The following DPYS variants were observed in gnomAD, a reference collection of about 807,000 sequenced individuals.
DPYS encodes the protein dihydropyrimidinase.
In DPYS, 39 loss-of-function variants were observed where a neutral mutation model predicts 50.3. The observed-to-expected ratio is 0.78, with a 90% CI of 0.60 to 1.01. The LOEUF is 1.01. Ranked by LOEUF, DPYS falls within the 50% of genes least tolerant of loss-of-function variation. The probability of loss-of-function intolerance (pLI) is 0.00; values close to 1 mark genes in which losing one functional copy is unlikely to be tolerated. For missense variants in DPYS, 659 were observed against 680.9 expected, an observed-to-expected ratio of 0.97 and a Z score of 0.36; for synonymous variants, 245 against 250.7, an observed-to-expected ratio of 0.98 and a Z score of 0.22.
At chr8:104,463,217 C>T (rs1814233057) in intron 1 of DPYS, among the ~76,000 whole-genome samples, 1 of 152,042 alleles carries the variant, frequency 6.6e-6, no homozygotes, top group Non-Finnish European at 1.5e-5. Flanking sequence ...TACTTAAGGT[C>T]CATTTCTGTA....
At chr8:104,434,030 G>T (rs1410536328) in intron 4 of DPYS, among the ~76,000 whole-genome samples, 1 of 152,164 alleles carries the variant, frequency 6.6e-6, no homozygotes. Flanking sequence ...ATGTGCCCAA[G>T]GTGGTTGGGG....
intron 1 of DPYS, among the ~76,000 whole-genome samples, chr8:104,462,289 T>C (rs1814199195): frequency 1.3e-5 from 2 of 152,182 alleles, no homozygotes; most frequent in South Asian, 4.1e-4. Context: ...CCGGGAGCTC[T>C]GGCAAGCAAC....
At chr8:104,426,480 G>T (rs758859209) in intron 6 of DPYS, among the ~76,000 whole-genome samples, 1 of 152,206 alleles carries the variant, frequency 6.6e-6, no homozygotes, top group Non-Finnish European at 1.5e-5. Context: ...CCTCCAACTA[G>T]AATGGTAGCA....
intron 7 of DPYS, among the ~76,000 whole-genome samples, chr8:104,417,329 G>A (rs745784420): frequency 3.9e-5 from 6 of 152,192 alleles, no homozygotes; most frequent in Non-Finnish European, 7.3e-5. Context: ...CTCCGAGGAT[G>A]GTTTTAAATT....
At position 104,466,611 on chromosome 8, in the gene DPYS, G is replaced by A. The variant is rs1430256802; in HGVS notation, c.264+46C>T. 5 of 1,481,404 alleles carry A rather than the reference G, an allele frequency of 3.4e-6. No homozygotes were observed. In the African/African-American group the frequency reaches 4.4e-5, roughly 13 times the overall value. 91.8% of individuals were successfully genotyped at this position (1,481,404 alleles called of 1,614,324 possible). A position where few individuals can be genotyped will look rare whatever the true frequency, so the allele number is the denominator to read the frequency against. On this transcript the variant is annotated intron_variant, in intron 1 of 9. Coordinates refer to ENST00000351513, the MANE Select transcript of DPYS (RefSeq NM_001385.3). ...CCCGGGACGACTGGGGAGGCTGCCC[G>A]AGCCTCCGTGGGTACCGCGGGGCGG...
chr8:104,449,201 A>G (rs1306451234), intron 2 of DPYS, among the ~76,000 whole-genome samples: 1 of 152,220 alleles, frequency 6.6e-6, no homozygotes, highest in Non-Finnish European at 1.5e-5. Context: ...CTAATTTTTT[A>G]CAATGAGTAC....
intron 4 of DPYS, among the ~76,000 whole-genome samples, chr8:104,438,223 AG>A: frequency 6.6e-6 from 1 of 152,214 alleles, no homozygotes; most frequent in Non-Finnish European, 1.5e-5. Context: ...TGAAAGGGAA[AG>A]TCAGCAGATT....
Position 104,392,770 on chromosome 8 carries a change from T to A in DPYS, c.1443+14A>T. 1 of 1,613,926 alleles carries A rather than the reference T, an allele frequency of 6.2e-7. No individual in the cohort carries two copies. Among genetic ancestry groups the A allele is most frequent in the Non-Finnish European group, 8.5e-7 (1 of 1,179,864 alleles). ...AGTCCGACTTGTGGCAGTATCCCAC[T>A]GTGGCACACTCACCCGGTCTCGCTG... On this transcript the variant is annotated intron_variant, in intron 8 of 9. Transcript: ENST00000351513.
intron 7 of DPYS, among the ~76,000 whole-genome samples, chr8:104,407,725 A>C (rs1388527825): frequency 6.6e-6 from 1 of 152,224 alleles, no homozygotes; most frequent in Non-Finnish European, 1.5e-5. Context: ...ACTACAACTT[A>C]GTCTTTTATC....
At chr8:104,395,120 C>G (rs1811534422) in intron 7 of DPYS, among the ~76,000 whole-genome samples, 1 of 151,834 alleles carries the variant, frequency 6.6e-6, no homozygotes, top group Non-Finnish European at 1.5e-5. Context: ...CTCAGCCTCC[C>G]AAGTAGCTGG....
Position 104,381,187 on chromosome 8 carries a change from T to A in DPYS, c.*11A>T. The stretch of plus-strand genomic sequence containing the variant: ...TTTCTTGCCTACAGTCCCTTACCGA[T>A]GGCACACACTTCAGGGGTGGGCCTG... On this transcript the variant is annotated 3_prime_UTR_variant, in exon 9 of 10. Coordinates refer to ENST00000351513, the MANE Select transcript of DPYS (RefSeq NM_001385.3). The A allele has an allele frequency of 6.2e-7, 1 of 1,610,918 alleles. No individual in the cohort carries two copies. Among genetic ancestry groups the A allele is most frequent in the Non-Finnish European group, 8.5e-7 (1 of 1,177,242 alleles).
chr8:104,431,668 A>G (rs1414622325), intron 4 of DPYS, among the ~76,000 whole-genome samples: 1 of 152,084 alleles, frequency 6.6e-6, no homozygotes, highest in Non-Finnish European at 1.5e-5. Flanking sequence ...AAATAACAAT[A>G]AAAATAGCTA....
chr8:104,412,703 G>T (rs1024217247), intron 7 of DPYS, among the ~76,000 whole-genome samples: 6 of 152,120 alleles, frequency 3.9e-5, no homozygotes, highest in African/African-American at 9.7e-5. Context: ...CCCACTGTCT[G>T]ATTGGTGGGC....
rs996100553 is a variant in DPYS at position 104,385,867 on chromosome 8, C to T, written c.1444-4553G>A. Among the ~76,000 whole-genome samples the T allele has an allele frequency of 3.9e-5, 6 of 152,220 alleles. No homozygotes were observed. In the East Asian group the frequency reaches 5.8e-4, roughly 15 times the overall value. On this transcript the variant is annotated intron_variant, in intron 8 of 9. Coordinates refer to ENST00000351513, the MANE Select transcript of DPYS (RefSeq NM_001385.3). ...CAAGAAGGCCCTCTCTAGATGCCAG[C>T]GCCTCGTTCTTGGACTTCATAGCAT... is the stretch of plus-strand genomic sequence containing the variant.
At chr8:104,391,382 C>T (rs771380726) in intron 8 of DPYS, among the ~76,000 whole-genome samples, 9 of 152,162 alleles carry the variant, frequency 5.9e-5, no homozygotes, top group Non-Finnish European at 1.3e-4. Context: ...CATGGCCAGG[C>T]AAGTAATGTG....
intron 7 of DPYS, among the ~76,000 whole-genome samples, chr8:104,417,145 C>G (rs117608068): frequency 7.8e-4 from 119 of 152,282 alleles, no homozygotes; most frequent in Non-Finnish European, 1.5e-3. Context: ...TATGTCTGCT[C>G]GGCAGAATAC....
chr8:104,427,832 G>C, intron 6 of DPYS, 148 bp downstream of exon 6: 2 of 1,113,728 alleles, frequency 1.8e-6, no homozygotes, highest in Non-Finnish European at 2.7e-6. Flanking sequence ...AATGGTGGTC[G>C]AGGTGATAGT....
At chr8:104,416,572 C>A (rs186101956) in intron 7 of DPYS, among the ~76,000 whole-genome samples, 1 of 152,200 alleles carries the variant, frequency 6.6e-6, no homozygotes, top group African/African-American at 2.4e-5. Context: ...GACAGACACT[C>A]TTAGAAACAG....
chr8:104,399,189 G>A (rs1811694597), intron 7 of DPYS, among the ~76,000 whole-genome samples: 1 of 151,336 alleles, frequency 6.6e-6, no homozygotes, highest in Non-Finnish European at 1.5e-5. Flanking sequence ...TACTCAGGAG[G>A]CTGAAGCAGG....
Sources: gnomAD v4.1 joint callset for allele counts (sites outside exome capture counted in the v4.1 genomes callset) on GRCh38, gnomAD v4.1.1 for gene constraint, MANE v1.5 for transcripts, NCBI Gene and HGNC (gene_info 2026-07-23, HGNC 2026-07-21) for gene names.